Variants in RAB43 observed in about 807,000 individuals in gnomAD.
The protein encoded by RAB43 is RAB43, member RAS oncogene family, also known as ras-related protein Rab-43.
RAB43 carries 6 observed loss-of-function variants against 18.8 expected under a neutral mutation model. The observed-to-expected ratio is 0.32, with a 90% CI of 0.17 to 0.63. The LOEUF is 0.63. Ranked by LOEUF, RAB43 falls within the 30% of genes least tolerant of loss-of-function variation. The pLI, the probability that RAB43 is intolerant of heterozygous loss-of-function variation, is 0.79. For missense variants in RAB43, 195 were observed against 289.1 expected (o/e 0.67, Z 2.36); for synonymous variants, 103 against 124.1 (o/e 0.83, Z 1.13).
chr3:129,119,876 C>T (rs1032651773), intron 1 of RAB43, among the ~76,000 whole-genome samples: 5 of 152,282 alleles, frequency 3.3e-5, no homozygotes, highest in Admixed American at 1.3e-4. Context: ...GAGGACACCA[C>T]TGCTCTTTAG....
intron 2 of RAB43, among the ~76,000 whole-genome samples, chr3:129,092,786 C>T (rs1166374587): frequency 6.6e-6 from 1 of 151,652 alleles, no homozygotes; most frequent in African/African-American, 2.4e-5. Context: ...GAAACCCCGT[C>T]TCTACTAAAA....
At chr3:129,097,103 T>G (rs1287416275) in intron 1 of RAB43, among the ~76,000 whole-genome samples, 1 of 151,250 alleles carries the variant, frequency 6.6e-6, no homozygotes, top group African/African-American at 2.4e-5. Flanking sequence ...ACAGAGTGAG[T>G]GAGACTGTCT....
intron 1 of RAB43, among the ~76,000 whole-genome samples, chr3:129,106,867 C>T (rs920390667): frequency 6.6e-6 from 1 of 152,150 alleles, no homozygotes; most frequent in Non-Finnish European, 1.5e-5. Context: ...GGCTTGGTGG[C>T]GATGCAGAGT....
chr3:129,098,196 T>C (rs571839111), intron 1 of RAB43, among the ~76,000 whole-genome samples: 1 of 152,258 alleles, frequency 6.6e-6, no homozygotes, highest in South Asian at 2.1e-4. Flanking sequence ...GACCCGTATA[T>C]GAGCTATCAG....
Position 129,109,065 on chromosome 3 carries a change from A to C in RAB43, c.204+12221T>G, listed in dbSNP as rs529985912. Among the ~76,000 whole-genome samples the C allele has an allele frequency of 1.4e-4, 18 of 126,674 alleles. 1 individual carries two copies. The East Asian group carries it at 1.8e-3, about 12-fold the overall frequency. 83.1% of individuals were successfully genotyped at this position (126,674 alleles called of 152,430 possible). A position where few individuals can be genotyped will look rare whatever the true frequency, so the allele number is the denominator to read the frequency against. On this transcript the variant is annotated intron_variant, in intron 1 of 2. Transcript: ENST00000315150. ...GAAAAAACTACAAGGTGACTCCTACAAAAAAAAAAAAAAATCATGGCTTGT... is the reference window on the plus strand; with the variant it reads ...GAAAAAACTACAAGGTGACTCCTACCAAAAAAAAAAAAAATCATGGCTTGT...
At chr3:129,092,477 C>T (rs1211518035) in intron 2 of RAB43, 1 of 699,430 alleles carries the variant, frequency 1.4e-6, no homozygotes, top group Admixed American at 2.0e-5. Flanking sequence ...TTATACTATT[C>T]TAAGCCAGAT....
chr3:129,106,413 G>A (rs1165370492), intron 1 of RAB43, among the ~76,000 whole-genome samples: 2 of 152,194 alleles, frequency 1.3e-5, no homozygotes, highest in Admixed American at 6.5e-5. Context: ...TGGGCCATGC[G>A]AGCTCCTGAC....
At chr3:129,112,486 G>A (rs896460053) in intron 1 of RAB43, among the ~76,000 whole-genome samples, 4 of 152,042 alleles carry the variant, frequency 2.6e-5, no homozygotes, top group Admixed American at 1.3e-4. Context: ...ACTTCATCAC[G>A]CAACAGTGAG....
intron 1 of RAB43, among the ~76,000 whole-genome samples, chr3:129,104,210 T>C (rs965109583): frequency 6.6e-6 from 1 of 152,128 alleles, no homozygotes; most frequent in Non-Finnish European, 1.5e-5. Flanking sequence ...CCAGGGGACA[T>C]AAACAACCTT....
chr3:129,100,038 A>G (rs2107994460), intron 1 of RAB43, among the ~76,000 whole-genome samples: 1 of 152,272 alleles, frequency 6.6e-6, no homozygotes, highest in South Asian at 2.1e-4. Context: ...GCAAACCCCA[A>G]GCAGAAAAAA....
At chr3:129,103,063 G>A (rs1162419009) in intron 1 of RAB43, among the ~76,000 whole-genome samples, 1 of 152,206 alleles carries the variant, frequency 6.6e-6, no homozygotes, top group East Asian at 1.9e-4. Context: ...GAGACCAGGA[G>A]CCGACATTAT....
At chr3:129,094,866 T>A in intron 2 of RAB43, 120 bp downstream of exon 2, 1 of 1,375,778 alleles carries the variant, frequency 7.3e-7, no homozygotes, top group Non-Finnish European at 9.7e-7. Flanking sequence ...TGCAAAACCA[T>A]GGCTCAAACT....
chr3:129,092,518 T>C (rs1933728271), intron 2 of RAB43: 2 of 700,128 alleles, frequency 2.9e-6, no homozygotes, highest in Admixed American at 4.0e-5. Flanking sequence ...TTCCAACTAC[T>C]TGGAGGTTGA....
At chr3:129,094,264 G>A (rs1933871844) in intron 2 of RAB43, among the ~76,000 whole-genome samples, 1 of 152,094 alleles carries the variant, frequency 6.6e-6, no homozygotes, top group African/African-American at 2.4e-5. Context: ...TCTGTGTGCG[G>A]CACAACAGAG....
intron 2 of RAB43, among the ~76,000 whole-genome samples, chr3:129,093,258 G>A (rs970073491): frequency 6.6e-6 from 1 of 151,998 alleles, no homozygotes; most frequent in African/African-American, 2.4e-5. Context: ...CTCAGTGTTA[G>A]GATTACAGGT....
At position 129,121,621 on chromosome 3, in the gene RAB43, AC is replaced by A; in HGVS notation, c.-133del. ...TACGTGGAGCCGCCGCAACACCTGA[AC>A]CCCCAGCACTGCCGACCGCCTGCCT... On this transcript the variant is annotated 5_prime_UTR_variant, in exon 1 of 3. Coordinates refer to ENST00000315150, the MANE Select transcript of RAB43 (RefSeq NM_198490.3). The A allele has an allele frequency of 4.7e-6, 3 of 633,354 alleles. No individual in the cohort carries two copies. Among genetic ancestry groups the A allele is most frequent in the Non-Finnish European group, 7.4e-6 (3 of 407,320 alleles). The allele number at this position is 633,354 out of a possible 1,614,324, so 39.2% of individuals were successfully genotyped here.
At chr3:129,120,079 C>T (rs1483036630) in intron 1 of RAB43, among the ~76,000 whole-genome samples, 5 of 152,090 alleles carry the variant, frequency 3.3e-5, no homozygotes, top group Admixed American at 3.3e-4. Context: ...CCCCAGAAGA[C>T]GATTAAAATA....
chr3:129,111,677 T>C (rs1208076569), intron 1 of RAB43, among the ~76,000 whole-genome samples: 4 of 152,258 alleles, frequency 2.6e-5, no homozygotes, highest in African/African-American at 7.2e-5. Context: ...CGTCAGAGTT[T>C]ACACTGAAGT....
At chr3:129,114,854 C>T (rs1021088215) in intron 1 of RAB43, among the ~76,000 whole-genome samples, 6 of 152,114 alleles carry the variant, frequency 3.9e-5, no homozygotes, top group African/African-American at 1.4e-4. Context: ...ACGAGCATAG[C>T]CACAGGGGCC....
Sources: gnomAD v4.1 joint callset for allele counts (sites outside exome capture counted in the v4.1 genomes callset) on GRCh38, gnomAD v4.1.1 for gene constraint, MANE v1.5 for transcripts, NCBI Gene and HGNC (gene_info 2026-07-23, HGNC 2026-07-21) for gene names.